The following DCHS2 variants were observed in gnomAD, a reference collection of about 807,000 sequenced individuals.
DCHS2 encodes the protein dachsous cadherin-related 2.
A neutral mutation model predicts 182.4 loss-of-function variants in DCHS2; 142 were observed. The observed-to-expected ratio is 0.78, with a 90% CI of 0.68 to 0.89. The LOEUF (loss-of-function observed/expected upper bound fraction) is 0.89, where lower values mean the gene tolerates loss of function less well. Ranked by LOEUF, DCHS2 falls within the 40% of genes least tolerant of loss-of-function variation. The probability of loss-of-function intolerance (pLI) is 0.00; values close to 1 mark genes in which losing one functional copy is unlikely to be tolerated. For synonymous variants in DCHS2, 1,740 were observed against 1,663.3 expected, an observed-to-expected ratio of 1.05 and a Z score of -1.12; for missense variants, 4,319 against 4,198.6, an observed-to-expected ratio of 1.03 and a Z score of -0.79.
chr4:154,315,706 CT>C (rs1215429336), intron 10 of DCHS2, 41 bp downstream of exon 10: 3 of 1,592,252 alleles, frequency 1.9e-6, no homozygotes, highest in Non-Finnish European at 2.6e-6. Context: ...TCTTCAATTT[CT>C]TTTAAGCATT....
chr4:154,467,647 A>G (rs1208476660), intron 1 of DCHS2, among the ~76,000 whole-genome samples: 1 of 152,180 alleles, frequency 6.6e-6, no homozygotes, highest in Non-Finnish European at 1.5e-5. Flanking sequence ...ATATATTTAC[A>G]TGTTTCTGGA....
intron 1 of DCHS2, among the ~76,000 whole-genome samples, chr4:154,399,191 G>T (rs1156648837): frequency 6.6e-6 from 1 of 152,166 alleles, no homozygotes; most frequent in Admixed American, 6.5e-5. Context: ...TTCCATTCTG[G>T]ATTGGTTTTA....
At chr4:154,440,496 A>G (rs977206462) in intron 1 of DCHS2, among the ~76,000 whole-genome samples, 1 of 152,136 alleles carries the variant, frequency 6.6e-6, no homozygotes, top group African/African-American at 2.4e-5. Context: ...AATTGCCCGC[A>G]TGAAATTTTA....
intron 1 of DCHS2, among the ~76,000 whole-genome samples, chr4:154,427,712 G>A (rs1010936771): frequency 6.6e-6 from 1 of 152,206 alleles, no homozygotes; most frequent in Non-Finnish European, 1.5e-5. Flanking sequence ...AGACAGAGGT[G>A]ATAGTGTCCT....
intron 1 of DCHS2, among the ~76,000 whole-genome samples, chr4:154,477,515 A>G (rs531014572): frequency 1.5e-4 from 23 of 152,356 alleles, no homozygotes; most frequent in Admixed American, 1.4e-3. Context: ...GGCAGGCAGA[A>G]TGGATTAGAT....
intron 13 of DCHS2, among the ~76,000 whole-genome samples, chr4:154,292,639 T>C (rs929289862): frequency 2.6e-5 from 4 of 152,214 alleles, no homozygotes; most frequent in Admixed American, 6.5e-5. Flanking sequence ...TTATCCTCTA[T>C]ATTTAACACA....
At chr4:154,245,325 C>T (rs899853095) in intron 16 of DCHS2, among the ~76,000 whole-genome samples, 2 of 152,092 alleles carry the variant, frequency 1.3e-5, no homozygotes, top group Non-Finnish European at 2.9e-5. Context: ...ATGAAACTGA[C>T]CAGATTTAGA....
rs758533773 is a variant in DCHS2, at chr4:154,333,348, G to A, written c.2860C>T (p.Leu954Phe). The A allele has an allele frequency of 6.2e-7, 1 of 1,614,158 alleles. No individual in the cohort carries two copies. The highest frequency in any genetic ancestry group is 1.7e-5 in the Admixed American group (1 of 60,020). The change falls in exon 5 of 20, where the codon CTC becomes TTC. Residue 954 changes from leucine (L) to phenylalanine (F), a missense_variant. By Grantham distance (22) the Leu-to-Phe change is conservative. Coordinates refer to ENST00000357232, the MANE Select transcript of DCHS2 (RefSeq NM_001358235.2). ...CTGCTGCAGGCTGGGGCGCTGCCGA[G>A]CTGCGCCTGCACCGTGAGCACAACC... The part of the protein sequence containing the change: ...PVVVLTVQAQ[L>F]GSAPACSSTE...
At chr4:154,400,029 C>A (rs570367979) in intron 1 of DCHS2, among the ~76,000 whole-genome samples, 1 of 152,210 alleles carries the variant, frequency 6.6e-6, no homozygotes, top group Non-Finnish European at 1.5e-5. Context: ...CACGGCCGGG[C>A]GCGGTGGCTC....
chr4:154,353,670 G>A (rs1729723634), intron 3 of DCHS2, among the ~76,000 whole-genome samples: 1 of 152,092 alleles, frequency 6.6e-6, no homozygotes, highest in South Asian at 2.1e-4. Flanking sequence ...TTTTCCAGTG[G>A]TCCTTCTTCC....
At chr4:154,470,427 G>T (rs1194847363) in intron 1 of DCHS2, among the ~76,000 whole-genome samples, 1 of 151,434 alleles carries the variant, frequency 6.6e-6, no homozygotes, top group Admixed American at 6.6e-5. Context: ...GTTCTAGGCT[G>T]CAGTGAGCCA....
At chr4:154,436,693 T>TAAA (rs1433657111) in intron 1 of DCHS2, among the ~76,000 whole-genome samples, 1 of 152,196 alleles carries the variant, frequency 6.6e-6, no homozygotes, top group Non-Finnish European at 1.5e-5. Flanking sequence ...TTATTTGGGC[T>TAAA]AAAATTTGTA....
At chr4:154,396,147 C>T (rs1259926248) in intron 1 of DCHS2, among the ~76,000 whole-genome samples, 1 of 151,874 alleles carries the variant, frequency 6.6e-6, no homozygotes, top group Non-Finnish European at 1.5e-5. Context: ...TGAACTCTTT[C>T]TTAAATGTAA....
At chr4:154,309,389 A>G (rs567307508) in intron 10 of DCHS2, among the ~76,000 whole-genome samples, 18 of 152,230 alleles carry the variant, frequency 1.2e-4, no homozygotes, top group Non-Finnish European at 2.2e-4. Flanking sequence ...CTAGTTACCT[A>G]CTGTCGTCAT....
intron 3 of DCHS2, among the ~76,000 whole-genome samples, chr4:154,360,474 T>G (rs1245241340): frequency 6.6e-6 from 1 of 152,152 alleles, no homozygotes; most frequent in Non-Finnish European, 1.5e-5. Flanking sequence ...TAGGTGCTCA[T>G]GATTAATTTT....
At chr4:154,480,080 T>A (rs1296749164) in intron 1 of DCHS2, among the ~76,000 whole-genome samples, 1 of 152,222 alleles carries the variant, frequency 6.6e-6, no homozygotes, top group Non-Finnish European at 1.5e-5. Flanking sequence ...GCTCTTTACC[T>A]CATAACTTGG....
Position 154,234,662 on chromosome 4 carries a change from T to C in DCHS2, c.9990A>G (p.Pro3330=). 1 of 1,613,618 alleles carries C rather than the reference T, an allele frequency of 6.2e-7. No individual in the cohort carries two copies. The change falls in exon 20 of 20, where the codon CCA becomes CCG. Residue 3330 remains proline (P), a synonymous_variant. Transcript: ENST00000357232. ...LPEGMTPNFS[P]SLSLLTMQPP... is the part of the protein sequence containing the mutation. ...GCTGCATCGTCAATAGGGAAAGAGA[T>C]GGAGAAAAATTGGGAGTCATGCCTT... is the stretch of plus-strand genomic sequence containing the variant.
Position 154,334,944 on chromosome 4 carries a change from A to T in DCHS2, c.2637T>A (p.Pro879=), listed in dbSNP as rs1370631127. ...CTTCATAAACTAAGAAAGTGTACTT[A>T]GGCCTTTCAAACTCAGCAGGTGCCA... ...TTLAPAEFER[P]KYTFLVYEDV... The change falls in exon 4 of 20, where the codon CCT becomes CCA. Residue 879 remains proline, a synonymous_variant. Coordinates refer to ENST00000357232, the MANE Select transcript of DCHS2 (RefSeq NM_001358235.2). 2 of 1,614,096 alleles carry T rather than the reference A, an allele frequency of 1.2e-6. No individual in the cohort carries two copies. Among genetic ancestry groups the T allele is most frequent in the African/African-American group, 2.7e-5 (2 of 74,944 alleles).
At chr4:154,241,591 G>A (rs1208203456) in intron 17 of DCHS2, among the ~76,000 whole-genome samples, 1 of 152,088 alleles carries the variant, frequency 6.6e-6, no homozygotes, top group Non-Finnish European at 1.5e-5. Context: ...TAGTTCCATT[G>A]TATATGAAAC....
Sources: allele counts gnomAD v4.1 joint callset (sites outside exome capture counted in the v4.1 genomes callset), GRCh38; gene constraint gnomAD v4.1.1; transcripts MANE v1.5; gene names NCBI Gene and HGNC (gene_info 2026-07-23, HGNC 2026-07-21).